LRRC66: variants seen among roughly 807,000 people sequenced by gnomAD.
The protein encoded by LRRC66 is leucine rich repeat containing 66.
A neutral mutation model predicts 24.6 loss-of-function variants in LRRC66; 29 were observed. The observed-to-expected ratio is 1.18, with a 90% CI of 0.88 to 1.61. The LOEUF (loss-of-function observed/expected upper bound fraction) is 1.61, where lower values mean the gene tolerates loss of function less well. Ranked by LOEUF, LRRC66 falls within the 40% of genes most tolerant of loss-of-function variation. The probability of loss-of-function intolerance (pLI) is 0.00; values close to 1 mark genes in which losing one functional copy is unlikely to be tolerated. For missense variants in LRRC66, 1,124 were observed against 1,058.0 expected (o/e 1.06, Z -0.87); for synonymous variants, 411 against 397.6 (o/e 1.03, Z -0.40).
chr4:51,997,915 G>A lies in LRRC66; in HGVS notation c.689C>T (p.Ala230Val), dbSNP rs1441804547. The change falls in exon 4 of 5, where the codon GCT becomes GTT. Residue 230 changes from alanine (A) to valine (V), a missense_variant. By Grantham distance (64) the Ala-to-Val change is moderately conservative. Transcript: ENST00000682860. ...KLQVIDLSNN[A>V]LITILPMMII... Reference sequence around the variant, plus strand: ...CATCATTGGTAGGATGGTAATCAGAGCATTGTTGCTAAGGTCTATGACCTG... The same window carrying A: ...CATCATTGGTAGGATGGTAATCAGAACATTGTTGCTAAGGTCTATGACCTG... 1.6e-5 allele frequency: 26 copies of A among 1,613,958 alleles called. No homozygotes were observed. Among genetic ancestry groups the A allele is most frequent in the African/African-American group, 2.7e-5 (2 of 74,930 alleles).
intron 2 of LRRC66, among the ~76,000 whole-genome samples, chr4:52,006,172 A>G (rs1736579621): frequency 6.6e-6 from 1 of 152,150 alleles, no homozygotes; most frequent in South Asian, 2.1e-4. Context: ...AACTAGAAAT[A>G]CCATTTGACC....
chr4:52,017,583 T>A lies in LRRC66; in HGVS notation c.31A>T (p.Ile11Leu). The change falls in exon 2 of 5, where the codon ATA becomes TTA. Residue 11 changes from isoleucine (I) to leucine (L), a missense_variant. Ile to Leu is a conservative substitution (Grantham distance 5). Transcript: ENST00000682860. ...CCAGTAAAATAAAGACCTATAACTATGGTAATGACTCTGAAATAGAGGTTT... is the reference window on the plus strand; with the variant it reads ...CCAGTAAAATAAAGACCTATAACTAAGGTAATGACTCTGAAATAGAGGTTT... MKNLYFRVIT[I>L]VIGLYFTGIM... is the part of the protein sequence containing the mutation. 6.3e-7 allele frequency: 1 copy of A among 1,588,142 alleles called. No individual in the cohort carries two copies.
chr4:52,002,843 C>T (rs1466933645), intron 3 of LRRC66, among the ~76,000 whole-genome samples: 1 of 152,174 alleles, frequency 6.6e-6, no homozygotes. Flanking sequence ...CCCAAGCGTT[C>T]CATATTGCAT....
chr4:52,013,976 G>A (rs940792695), intron 2 of LRRC66, among the ~76,000 whole-genome samples: 4 of 152,200 alleles, frequency 2.6e-5, no homozygotes, highest in African/African-American at 4.8e-5. Flanking sequence ...ACTTGAGGCC[G>A]GGCACGGTGG....
Position 52,017,242 on chromosome 4 carries a change from G to C in LRRC66, c.372C>G (p.Leu124=). ...ACTTAGGACTGAGTAGATCCAATGA[G>C]AGGGAGTGGATGGCATTGTTGCTGA... ...LNLSNNAIHS[L]SLDLLSPKSS... is the part of the protein sequence containing the mutation. The change falls in exon 2 of 5, where the codon CTC becomes CTG. Residue 124 remains leucine, a synonymous_variant. Transcript: ENST00000682860. The C allele has an allele frequency of 6.2e-7, 1 of 1,614,188 alleles. No individual in the cohort carries two copies. The highest frequency in any genetic ancestry group is 8.5e-7 in the Non-Finnish European group (1 of 1,180,020).
Position 51,995,235 on chromosome 4 carries a change from T to C in LRRC66, c.1787A>G (p.Glu596Gly), listed in dbSNP as rs200954186. The C allele has an allele frequency of 8.7e-6, 14 of 1,614,114 alleles. No individual in the cohort carries two copies. Among genetic ancestry groups the C allele is most frequent in the African/African-American group, 1.3e-5 (1 of 74,948 alleles). Residue 596 changes from glutamate (E) to glycine (G), a missense_variant, in exon 5 of 5, where the codon GAA becomes GGA. Transcript: ENST00000682860. ...CTTACTATCTCCAGTCCTCTGTGCT[T>C]CTGCATGTGTTAGCATTTTACAGAG... is the stretch of plus-strand genomic sequence containing the variant. ...ASLCKMLTHA[E>G]AQRTGDSKER...
rs1177604917 is a variant in LRRC66 at position 52,003,374 on chromosome 4, G to C, written c.515C>G (p.Ser172Ter). Residue 172 changes from serine to a stop codon, truncating the protein, a stop_gained, in exon 3 of 5, where the codon TCA becomes TGA. Coordinates refer to ENST00000682860, the MANE Select transcript of LRRC66 (RefSeq NM_001024611.3). LOFTEE classifies it high-confidence loss of function. ...GAATGACAGATCCAAACTCTGCAAT[G>C]ACTTCAGTTTCCACAGTCCTGTTAA... is the stretch of plus-strand genomic sequence containing the variant. ...DTPKGLWKLK[S>*]LQSLDLSFNG... is the part of the protein sequence containing the mutation. 3 of 1,612,886 alleles carry C rather than the reference G, an allele frequency of 1.9e-6. No individual in the cohort carries two copies. The highest frequency in any genetic ancestry group is 1.7e-6 in the Non-Finnish European group (2 of 1,179,704).
chr4:51,996,213 G>T (rs1457647135), intron 4 of LRRC66, 48 bp from the exon 5 acceptor site: 2 of 1,469,314 alleles, frequency 1.4e-6, no homozygotes, highest in Non-Finnish European at 1.8e-6. Flanking sequence ...ATTGAAATAA[G>T]ATTTCAGGGG....
intron 2 of LRRC66, among the ~76,000 whole-genome samples, chr4:52,006,058 A>T (rs1736575754): frequency 6.6e-6 from 1 of 152,218 alleles, no homozygotes; most frequent in African/African-American, 2.4e-5. Context: ...TGAACTCATG[A>T]TTCCTAAAAT....
At position 52,017,353 on chromosome 4, in the gene LRRC66, T is replaced by C. The variant is rs147028227; in HGVS notation, c.261A>G (p.Ile87Met). The change falls in exon 2 of 5, where the codon ATA becomes ATG. Residue 87 changes from isoleucine (I) to methionine (M), a missense_variant. Coordinates refer to ENST00000682860, the MANE Select transcript of LRRC66 (RefSeq NM_001024611.3). ...QSHTKKEEWK[I>M]KHLDLSNNLI... ...GATTGTTACTGAGGTCCAGATGTTT[T>C]ATTTTCCACTCTTCTTTTTTCGTGT... 2.5e-6 allele frequency: 4 copies of C among 1,614,154 alleles called. No individual in the cohort carries two copies. The African/African-American group carries it at 5.3e-5, about 22-fold the overall frequency.
rs776170857 is a variant in LRRC66 at position 51,994,435 on chromosome 4, G to C, written c.2587C>G (p.Pro863Ala). Reference protein sequence around the residue: ...QQTPPCSAEVPSDPDKAAFHE... With the variant: ...QQTPPCSAEVASDPDKAAFHE... ...AAGGCAGCCTTATCAGGATCTGAGG[G>C]AACTTCAGCAGAACATGGTGGTGTT... The change falls in exon 5 of 5, where the codon CCC becomes GCC. Residue 863 changes from proline to alanine, a missense_variant. Physicochemically the swap from Pro to Ala is conservative, Grantham distance 27 (BLOSUM62 -1). Coordinates refer to ENST00000682860, the MANE Select transcript of LRRC66 (RefSeq NM_001024611.3). 1 of 1,614,056 alleles carries C rather than the reference G, an allele frequency of 6.2e-7. No individual in the cohort carries two copies.
chr4:52,019,359 C>CA (rs143733583), intron 1 of LRRC66, among the ~76,000 whole-genome samples: 3,134 of 146,942 alleles, frequency 0.021, 63 homozygotes, highest in African/African-American at 0.052. Flanking sequence ...TCTGAACTCC[C>CA]AAAAAAAAAA....
At chr4:52,014,359 T>C (rs1390831204) in intron 2 of LRRC66, among the ~76,000 whole-genome samples, 1 of 152,258 alleles carries the variant, frequency 6.6e-6, no homozygotes, top group Non-Finnish European at 1.5e-5. Flanking sequence ...TAAAAACTAG[T>C]ATTTGCAAGG....
In LRRC66 at chr4:52,017,594, C is replaced by G; in HGVS notation, c.20G>C (p.Arg7Thr). The G allele has an allele frequency of 6.4e-7, 1 of 1,573,010 alleles. No individual in the cohort carries two copies. Among genetic ancestry groups the G allele is most frequent in the Non-Finnish European group, 8.6e-7 (1 of 1,166,496 alleles). The change falls in exon 2 of 5, where the codon AGA (arginine) becomes ACA (threonine). Residue 7 changes from arginine to threonine, a missense_variant. Coordinates refer to ENST00000682860, the MANE Select transcript of LRRC66 (RefSeq NM_001024611.3). ...AAGACCTATAACTATGGTAATGACT[C>G]TGAAATAGAGGTTTTTCATAATGCC... is the stretch of plus-strand genomic sequence containing the variant. MKNLYF[R>T]VITIVIGLYF... is the part of the protein sequence containing the mutation.
Position 51,995,249 on chromosome 4 carries a change from C to G in LRRC66, c.1773G>C (p.Met591Ile). The change falls in exon 5 of 5, where the codon ATG becomes ATC. Residue 591 changes from methionine (M) to isoleucine (I), a missense_variant. Met to Ile is a conservative substitution (Grantham distance 10). Coordinates refer to ENST00000682860, the MANE Select transcript of LRRC66 (RefSeq NM_001024611.3). ...TCCTCTGTGCTTCTGCATGTGTTAG[C>G]ATTTTACAGAGGGAAGCTGTTATTT... ...SGEITASLCK[M>I]LTHAEAQRTG... 6.2e-7 allele frequency: 1 copy of G among 1,614,170 alleles called. No individual in the cohort carries two copies. Among genetic ancestry groups the G allele is most frequent in the Non-Finnish European group, 8.5e-7 (1 of 1,180,024 alleles).
intron 2 of LRRC66, among the ~76,000 whole-genome samples, chr4:52,003,652 T>C (rs531338233): frequency 6.6e-6 from 1 of 152,264 alleles, no homozygotes; most frequent in South Asian, 2.1e-4. Context: ...AAAAGAGCCA[T>C]ATGCAAACAT....
intron 4 of LRRC66, among the ~76,000 whole-genome samples, chr4:51,996,926 T>C (rs1241821126): frequency 6.6e-6 from 1 of 152,212 alleles, no homozygotes; most frequent in Admixed American, 6.5e-5. Context: ...TTCCTTACAT[T>C]TTGCTCTCTA....
Position 51,994,477 on chromosome 4 carries a change from C to T in LRRC66, c.2545G>A (p.Val849Met). ...GGTGGTGTTTGCTGTAAAACGTCCACATTTGAAAATTCTAAGTCTCTAAGT... is the reference window on the plus strand; with the variant it reads ...GGTGGTGTTTGCTGTAAAACGTCCATATTTGAAAATTCTAAGTCTCTAAGT... ...CSLRDLEFSN[V>M]DVLQQTPPCS... Residue 849 changes from valine (V) to methionine (M), a missense_variant, in exon 5 of 5, where the codon GTG (valine) becomes ATG (methionine). By Grantham distance (21) the Val-to-Met change is conservative. Coordinates refer to ENST00000682860, the MANE Select transcript of LRRC66 (RefSeq NM_001024611.3). The T allele has an allele frequency of 1.9e-6, 3 of 1,614,214 alleles. No individual in the cohort carries two copies. Among genetic ancestry groups the T allele is most frequent in the Non-Finnish European group, 2.5e-6 (3 of 1,180,036 alleles).
intron 2 of LRRC66, among the ~76,000 whole-genome samples, chr4:52,012,641 C>T (rs1329246600): frequency 6.6e-6 from 1 of 152,042 alleles, no homozygotes; most frequent in Non-Finnish European, 1.5e-5. Flanking sequence ...GGTGCATTCA[C>T]GGCTGGGGCT....
Sources: allele counts gnomAD v4.1 joint callset (sites outside exome capture counted in the v4.1 genomes callset), GRCh38; gene constraint gnomAD v4.1.1; transcripts MANE v1.5; gene names NCBI Gene and HGNC (gene_info 2026-07-23, HGNC 2026-07-21).